Variants in CNTN4 observed in about 807,000 individuals in gnomAD.
CNTN4 encodes contactin-4.
A neutral mutation model predicts 122.5 loss-of-function variants in CNTN4; 77 were observed. The observed-to-expected ratio is 0.63, with a 90% CI of 0.52 to 0.76. The LOEUF (loss-of-function observed/expected upper bound fraction) is 0.76. Ranked by LOEUF, CNTN4 falls within the 30% of genes least tolerant of loss-of-function variation. The pLI is 0.00. For synonymous variants in CNTN4, 512 were observed against 447.0 expected (o/e 1.15, Z -1.83); for missense variants, 1,256 against 1,259.1 (o/e 1.00, Z 0.04).
intron 12 of CNTN4, among the ~76,000 whole-genome samples, chr3:2,918,448 C>T (rs953744479): frequency 1.3e-5 from 2 of 152,136 alleles, no homozygotes; most frequent in Non-Finnish European, 2.9e-5. Context: ...GGTGCACTTG[C>T]CCTGTTACCT....
chr3:2,305,758 G>T (rs73807711), intron 2 of CNTN4, among the ~76,000 whole-genome samples: 3,559 of 152,106 alleles, frequency 0.023, 135 homozygotes, highest in African/African-American at 0.082. Flanking sequence ...CAAAACCAAA[G>T]GAAACCCAGG....
At chr3:2,958,782 A>C (rs192879167) in intron 13 of CNTN4, among the ~76,000 whole-genome samples, 22 of 152,274 alleles carry the variant, frequency 1.4e-4, no homozygotes, top group African/African-American at 4.6e-4. Flanking sequence ...ACATTTGTAG[A>C]AAGGTTGGAG....
intron 6 of CNTN4, among the ~76,000 whole-genome samples, chr3:2,789,011 T>A (rs750422935): frequency 6.6e-5 from 10 of 152,226 alleles, no homozygotes; most frequent in Non-Finnish European, 1.2e-4. Flanking sequence ...TCCCCTGTAT[T>A]TTATTTTCTC....
chr3:2,723,311 TC>T (rs1260413398), intron 4 of CNTN4, among the ~76,000 whole-genome samples: 1 of 152,208 alleles, frequency 6.6e-6, no homozygotes, highest in Non-Finnish European at 1.5e-5. Context: ...TTGATAAAAA[TC>T]TGAACTCACT....
intron 3 of CNTN4, among the ~76,000 whole-genome samples, chr3:2,538,469 A>G (rs1286014850): frequency 1.3e-5 from 2 of 152,162 alleles, no homozygotes; most frequent in South Asian, 2.1e-4. Flanking sequence ...ATATGTTTCT[A>G]TGTTATTTCT....
intron 4 of CNTN4, among the ~76,000 whole-genome samples, chr3:2,633,437 TG>T (rs1245516717): frequency 6.6e-6 from 1 of 152,212 alleles, no homozygotes; most frequent in Non-Finnish European, 1.5e-5. Context: ...GTCTACACAT[TG>T]TCTGATTGTA....
chr3:2,522,585 T>C (rs1010412643), intron 3 of CNTN4, among the ~76,000 whole-genome samples: 1 of 152,150 alleles, frequency 6.6e-6, no homozygotes, highest in Admixed American at 6.6e-5. Context: ...ACTATTTCAA[T>C]GACCGAAGAG....
intron 3 of CNTN4, among the ~76,000 whole-genome samples, chr3:2,529,418 G>A (rs1042529119): frequency 1.3e-5 from 2 of 152,088 alleles, no homozygotes; most frequent in African/African-American, 4.8e-5. Flanking sequence ...AAATATGGTA[G>A]TGCAGACATC....
intron 6 of CNTN4, among the ~76,000 whole-genome samples, chr3:2,770,863 C>T (rs1239471247): frequency 6.6e-6 from 1 of 152,226 alleles, no homozygotes; most frequent in Non-Finnish European, 1.5e-5. Context: ...TGGCAGATAA[C>T]TCCCAGAAAC....
intron 23 of CNTN4, among the ~76,000 whole-genome samples, chr3:3,051,868 G>C (rs940986854): frequency 2.0e-5 from 3 of 152,180 alleles, no homozygotes; most frequent in African/African-American, 7.2e-5. Flanking sequence ...AGCCTCAGCA[G>C]ATCAGAATTT....
At chr3:3,049,239 C>A (rs137927142) in intron 23 of CNTN4, among the ~76,000 whole-genome samples, 1 of 152,098 alleles carries the variant, frequency 6.6e-6, no homozygotes, top group Non-Finnish European at 1.5e-5. Flanking sequence ...CCCACCACCA[C>A]GACTGGCTGA....
chr3:2,200,423 G>A (rs1417198673), intron 2 of CNTN4, among the ~76,000 whole-genome samples: 1 of 152,122 alleles, frequency 6.6e-6, no homozygotes, highest in Admixed American at 6.6e-5. Context: ...TTCCTCCCGG[G>A]ACATTTGGCA....
At chr3:2,326,502 AC>A (rs2043465542) in intron 2 of CNTN4, among the ~76,000 whole-genome samples, 1 of 128,216 alleles carries the variant, frequency 7.8e-6, no homozygotes, top group Non-Finnish European at 1.8e-5. Context: ...ACACACACAC[AC>A]ACACACACAC....
chr3:2,920,988 C>G (rs1332578849), intron 12 of CNTN4, among the ~76,000 whole-genome samples: 1 of 152,172 alleles, frequency 6.6e-6, no homozygotes, highest in African/African-American at 2.4e-5. Flanking sequence ...AAATCATCTA[C>G]TTCAGAGTTG....
At chr3:2,991,028 T>G (rs1383971584) in intron 14 of CNTN4, among the ~76,000 whole-genome samples, 1 of 152,192 alleles carries the variant, frequency 6.6e-6, no homozygotes, top group Non-Finnish European at 1.5e-5. Flanking sequence ...TATGCATTGT[T>G]ATAGGAGGAT....
chr3:2,457,715 T>C (rs1448976808), intron 3 of CNTN4, among the ~76,000 whole-genome samples: 1 of 152,150 alleles, frequency 6.6e-6, no homozygotes. Flanking sequence ...GTCTGCCATA[T>C]TGGGCTTATG....
At chr3:2,948,024 T>G (rs12490522) in intron 13 of CNTN4, among the ~76,000 whole-genome samples, 11,680 of 152,282 alleles carry the variant, frequency 0.077, 509 homozygotes, top group Middle Eastern at 0.13. Context: ...GGAAATGGTT[T>G]TTTGAACTGG....
At position 2,735,220 on chromosome 3, in the gene CNTN4, C is replaced by A. The variant is rs1182267990; in HGVS notation, c.56-995C>A. Among the ~76,000 whole-genome samples, 3 of 152,194 alleles carry A rather than the reference C, an allele frequency of 2.0e-5. 1 individual carries two copies. Among genetic ancestry groups the A allele is most frequent in the South Asian group, 4.1e-4 (2 of 4,832 alleles). On this transcript the variant is annotated intron_variant, in intron 4 of 24. Transcript: ENST00000418658. ...TATATTAAAGAAAAAGGTTGAGGGT[C>A]TAGCAGAGTCTTCCAGGAAAAAGAA...
chr3:2,950,994 C>T (rs148642755), intron 13 of CNTN4, among the ~76,000 whole-genome samples: 66 of 152,324 alleles, frequency 4.3e-4, no homozygotes, highest in African/African-American at 1.6e-3. Context: ...CTAGCTGTAT[C>T]ACTTTGGGCA....
Sources: gnomAD v4.1 joint callset for allele counts (sites outside exome capture counted in the v4.1 genomes callset) on GRCh38, gnomAD v4.1.1 for gene constraint, MANE v1.5 for transcripts, NCBI Gene and HGNC (gene_info 2026-07-23, HGNC 2026-07-21) for gene names.